The following RBFOX1 variants were observed in gnomAD, a reference collection of about 807,000 sequenced individuals.
RBFOX1 encodes the protein RNA binding fox-1 homolog 1.
A neutral mutation model predicts 57.7 loss-of-function variants in RBFOX1; 8 were observed. The ratio of observed to expected loss-of-function variants is 0.14; its 90% CI spans 0.08 to 0.25. RBFOX1 has a LOEUF of 0.25. RBFOX1 is among the 10% of genes least tolerant of loss of function. RBFOX1 has a pLI of 1.00. For missense variants in RBFOX1, 611 were observed against 548.5 expected (o/e 1.11, Z -1.14); for synonymous variants, 326 against 222.4 (o/e 1.47, Z -4.15).
intron 3 of RBFOX1, among the ~76,000 whole-genome samples, chr16:7,007,542 A>C (rs906727390): frequency 6.6e-6 from 1 of 152,174 alleles, no homozygotes; most frequent in Non-Finnish European, 1.5e-5. Flanking sequence ...ATCTTGGGGA[A>C]GTGGGGCATA....
chr16:6,864,989 CTTTTTCTTTTTTTTT>C (rs1264436088), intron 3 of RBFOX1, among the ~76,000 whole-genome samples: 3 of 105,802 alleles, frequency 2.8e-5, no homozygotes, highest in East Asian at 3.0e-4. Flanking sequence ...GTGGGTTTTT[CTTTTTCTTTTTTTTT>C]TTTTTTTTTT....
chr16:6,659,409 G>T (rs58843964), intron 3 of RBFOX1, among the ~76,000 whole-genome samples: 1 of 152,050 alleles, frequency 6.6e-6, no homozygotes, highest in Non-Finnish European at 1.5e-5. Context: ...GATAGCTTTC[G>T]TGCTGTGGTT....
At chr16:6,916,386 A>G (rs1177146925) in intron 3 of RBFOX1, among the ~76,000 whole-genome samples, 5 of 151,924 alleles carry the variant, frequency 3.3e-5, no homozygotes, top group Non-Finnish European at 1.5e-5. Context: ...TGGGGTTTGG[A>G]TGTAGGTTTT....
At chr16:5,753,916 G>C (rs775996591) in intron 3 of RBFOX1, among the ~76,000 whole-genome samples, 4 of 151,588 alleles carry the variant, frequency 2.6e-5, no homozygotes, top group Non-Finnish European at 4.4e-5. Context: ...GGACAATACA[G>C]GATTCTGTGT....
At chr16:6,181,937 C>T (rs925597199) in intron 1 of RBFOX1, among the ~76,000 whole-genome samples, 3 of 152,044 alleles carry the variant, frequency 2.0e-5, no homozygotes, top group Admixed American at 6.6e-5. Flanking sequence ...ATGGGGATGC[C>T]GAGATCATTG....
chr16:5,492,761 G>A (rs2042874960), intron 2 of RBFOX1, among the ~76,000 whole-genome samples: 1 of 152,206 alleles, frequency 6.6e-6, no homozygotes, highest in Admixed American at 6.5e-5. Context: ...CAAATTCTGT[G>A]CATGTGTGAA....
At chr16:7,346,144 A>G (rs554063073) in intron 4 of RBFOX1, among the ~76,000 whole-genome samples, 3 of 152,278 alleles carry the variant, frequency 2.0e-5, no homozygotes, top group African/African-American at 7.2e-5. Flanking sequence ...GTGTCCCTAC[A>G]AAGGACATGA....
At chr16:5,857,851 G>A (rs1014009178) in intron 3 of RBFOX1, among the ~76,000 whole-genome samples, 1 of 152,106 alleles carries the variant, frequency 6.6e-6, no homozygotes, top group Non-Finnish European at 1.5e-5. Context: ...GGAGGCTGAG[G>A]TGGGAGGATC....
intron 3 of RBFOX1, among the ~76,000 whole-genome samples, chr16:6,926,330 C>G (rs567393020): frequency 9.9e-5 from 15 of 152,002 alleles, no homozygotes; most frequent in African/African-American, 3.1e-4. Context: ...AAACAAAAAC[C>G]CTTATTTGGC....
At chr16:7,490,379 T>A (rs1413805743) in intron 4 of RBFOX1, among the ~76,000 whole-genome samples, 3 of 152,302 alleles carry the variant, frequency 2.0e-5, no homozygotes, top group African/African-American at 7.2e-5. Context: ...GTTTGCAGAA[T>A]CTCTACTGGA....
intron 1 of RBFOX1, among the ~76,000 whole-genome samples, chr16:6,291,105 G>A (rs1349771578): frequency 1.3e-5 from 2 of 152,176 alleles, no homozygotes; most frequent in Non-Finnish European, 2.9e-5. Flanking sequence ...TGGGAGTACA[G>A]CAGTGGTCAC....
At chr16:7,292,195 CGTATTATATATCATATATATGATATATG>C (rs1568063495) in intron 4 of RBFOX1, among the ~76,000 whole-genome samples, 11 of 113,256 alleles carry the variant, frequency 9.7e-5, no homozygotes, top group Admixed American at 6.4e-4. Context: ...TGATATAGAA[CGTATTATATATCATATATATGATATATG>C]ATATAGAACG....
At chr16:6,969,619 C>G (rs566127546) in intron 3 of RBFOX1, among the ~76,000 whole-genome samples, 2 of 152,108 alleles carry the variant, frequency 1.3e-5, no homozygotes, top group South Asian at 2.1e-4. Flanking sequence ...TGGTGCATGC[C>G]TGTAGTCTCA....
At chr16:5,881,277 C>T (rs2057754330) in intron 4 of RBFOX1, among the ~76,000 whole-genome samples, 1 of 152,172 alleles carries the variant, frequency 6.6e-6, no homozygotes, top group Admixed American at 6.5e-5. Context: ...GATTTTGTTG[C>T]ATGTATTCAC....
At chr16:5,287,388 A>C (rs898798423) in intron 1 of RBFOX1, among the ~76,000 whole-genome samples, 2 of 152,186 alleles carry the variant, frequency 1.3e-5, no homozygotes, top group African/African-American at 4.8e-5. Flanking sequence ...GTCAGGCCAA[A>C]CTAGCTCTAC....
intron 2 of RBFOX1, among the ~76,000 whole-genome samples, chr16:6,563,598 C>G (rs964840166): frequency 3.9e-5 from 6 of 152,160 alleles, no homozygotes; most frequent in African/African-American, 1.4e-4. Flanking sequence ...ACTTCCAGCA[C>G]TTTGCGAGGC....
intron 4 of RBFOX1, among the ~76,000 whole-genome samples, chr16:7,118,761 G>A (rs2151752392): frequency 6.6e-6 from 1 of 152,186 alleles, no homozygotes; most frequent in African/African-American, 2.4e-5. Flanking sequence ...CACACCACAA[G>A]AATTTGGTAA....
At chr16:7,433,242 A>G (rs1174370789) in intron 4 of RBFOX1, among the ~76,000 whole-genome samples, 1 of 152,208 alleles carries the variant, frequency 6.6e-6, no homozygotes, top group Admixed American at 6.5e-5. Context: ...CTCTTCTAGT[A>G]AAAACACATA....
At chr16:6,195,785 G>A (rs915294978) in intron 1 of RBFOX1, among the ~76,000 whole-genome samples, 2 of 151,946 alleles carry the variant, frequency 1.3e-5, no homozygotes, top group African/African-American at 4.8e-5. Flanking sequence ...CATGGGGTGA[G>A]CAGGGATGCC....
Sources: allele counts gnomAD v4.1 joint callset (sites outside exome capture counted in the v4.1 genomes callset), GRCh38; gene constraint gnomAD v4.1.1; transcripts MANE v1.5; gene names NCBI Gene and HGNC (gene_info 2026-07-23, HGNC 2026-07-21).